CHST8: variants seen among roughly 807,000 people sequenced by gnomAD.
The protein encoded by CHST8 is GALNAC-4-ST1.
In CHST8, 10 loss-of-function variants were observed where a neutral mutation model predicts 15.0. The observed-to-expected ratio is 0.67, with a 90% CI of 0.41 to 1.13. The LOEUF (loss-of-function observed/expected upper bound fraction) is 1.13, where lower values mean the gene tolerates loss of function less well. Among genes scored for constraint, CHST8 ranks in the 50% most tolerant of loss-of-function variants. The pLI is 0.00. For synonymous variants in CHST8, 259 were observed against 256.6 expected, an observed-to-expected ratio of 1.01 and a Z score of -0.09; for missense variants, 634 against 608.2, an observed-to-expected ratio of 1.04 and a Z score of -0.45.
intron 3 of CHST8, among the ~76,000 whole-genome samples, chr19:33,757,460 A>AG (rs1974589343): frequency 2.6e-5 from 1 of 39,110 alleles, no homozygotes; most frequent in Non-Finnish European, 5.3e-5. Flanking sequence ...GAAAGAAAGA[A>AG]AGAAAGAAAG....
At chr19:33,745,865 T>G (rs1349213478) in intron 3 of CHST8, among the ~76,000 whole-genome samples, 1 of 152,196 alleles carries the variant, frequency 6.6e-6, no homozygotes, top group Non-Finnish European at 1.5e-5. Context: ...TGCAGGGCTG[T>G]GATTTCACAA....
At chr19:33,667,034 C>T (rs1369269556) in intron 1 of CHST8, among the ~76,000 whole-genome samples, 1 of 152,136 alleles carries the variant, frequency 6.6e-6, no homozygotes, top group Non-Finnish European at 1.5e-5. Flanking sequence ...AGCCTGGGGG[C>T]CAGCCCCTGT....
intron 1 of CHST8, among the ~76,000 whole-genome samples, chr19:33,626,697 C>T (rs550502985): frequency 1.3e-5 from 2 of 152,092 alleles, no homozygotes; most frequent in African/African-American, 2.4e-5. Flanking sequence ...TGGAAGGGCA[C>T]GAGGCCCTCA....
chr19:33,766,462 G>A (rs530736511), intron 3 of CHST8, among the ~76,000 whole-genome samples: 99 of 152,268 alleles, frequency 6.5e-4, no homozygotes, highest in African/African-American at 2.2e-3. Context: ...ACTGCACTGT[G>A]AGGTCAGGTG....
At chr19:33,681,326 T>C (rs1972885472) in intron 2 of CHST8, among the ~76,000 whole-genome samples, 2 of 152,174 alleles carry the variant, frequency 1.3e-5, no homozygotes, top group South Asian at 2.1e-4. Context: ...AGTTTTCAGT[T>C]TGACACTTGC....
In CHST8 at chr19:33,772,877, C is replaced by T; in HGVS notation, c.1089C>T (p.Arg363=). The change falls in exon 5 of 5, where the codon CGC becomes CGT. Residue 363 remains arginine, a synonymous_variant. Coordinates refer to ENST00000650847, the MANE Select transcript of CHST8 (RefSeq NM_001127895.2). ...DDANFFLSLI[R]APRNLTFPRF... ...CCAACTTCTTCCTGAGCCTCATCCG[C>T]GCGCCGCGGAACCTGACCTTCCCCC... 1 of 1,613,506 alleles carries T rather than the reference C, an allele frequency of 6.2e-7. No homozygotes were observed. The highest frequency in any genetic ancestry group is 8.5e-7 in the Non-Finnish European group (1 of 1,180,022).
intron 1 of CHST8, among the ~76,000 whole-genome samples, chr19:33,623,146 G>C (rs1480326834): frequency 6.6e-6 from 1 of 152,096 alleles, no homozygotes; most frequent in Non-Finnish European, 1.5e-5. Flanking sequence ...GACTCCCGCC[G>C]CCCTAACTTT....
chr19:33,698,700 C>T (rs1973271485), intron 3 of CHST8, among the ~76,000 whole-genome samples: 1 of 152,078 alleles, frequency 6.6e-6, no homozygotes, highest in South Asian at 2.1e-4. Flanking sequence ...GGCAAGAGAT[C>T]ACAGGTTCCA....
chr19:33,692,734 G>GT (rs553801909), intron 3 of CHST8, among the ~76,000 whole-genome samples: 8 of 152,102 alleles, frequency 5.3e-5, no homozygotes, highest in Non-Finnish European at 1.0e-4. Context: ...CTGGCTCTGG[G>GT]GGCTGCAGAA....
Position 33,668,291 on chromosome 19 carries a change from G to T in CHST8, c.-87+448G>T, listed in dbSNP as rs575861229. Among the ~76,000 whole-genome samples the T allele has an allele frequency of 6.6e-5, 10 of 151,656 alleles. No homozygotes were observed. The East Asian group carries it at 7.8e-4, about 12-fold the overall frequency. On this transcript the variant is annotated intron_variant, in intron 2 of 4. Coordinates refer to ENST00000650847, the MANE Select transcript of CHST8 (RefSeq NM_001127895.2). ...GGCTTGTAGAGCTCGGGGACCCTGG[G>T]TTTTCCATGCCATGCACACTGCCTA...
At chr19:33,629,817 T>C (rs538513553) in intron 1 of CHST8, among the ~76,000 whole-genome samples, 7 of 152,368 alleles carry the variant, frequency 4.6e-5, no homozygotes, top group Admixed American at 3.9e-4. Flanking sequence ...CTTGGTCCCC[T>C]AGGCCCCCTC....
At chr19:33,648,754 A>G (rs770114696) in intron 1 of CHST8, among the ~76,000 whole-genome samples, 2 of 152,150 alleles carry the variant, frequency 1.3e-5, no homozygotes, top group Non-Finnish European at 2.9e-5. Context: ...GACTTTGTAC[A>G]CGAATGTGTA....
rs552639639 is a variant in CHST8, at chr19:33,681,781, C to A, written c.-86-7395C>A. Among the ~76,000 whole-genome samples, 13 of 152,124 alleles carry A rather than the reference C, an allele frequency of 8.5e-5. No homozygotes were observed. In the South Asian group the frequency reaches 2.5e-3, roughly 29 times the overall value. On this transcript the variant is annotated intron_variant, in intron 2 of 4. Coordinates refer to ENST00000650847, the MANE Select transcript of CHST8 (RefSeq NM_001127895.2). Reference sequence around the variant, plus strand: ...GTGGAGGGGAAGTCAGGCCAGAGAACCTGGGGTGCCCTGCTCTGAGCCTGA... The same window carrying A: ...GTGGAGGGGAAGTCAGGCCAGAGAAACTGGGGTGCCCTGCTCTGAGCCTGA...
intron 1 of CHST8, among the ~76,000 whole-genome samples, chr19:33,654,424 G>A (rs1314055068): frequency 1.3e-5 from 2 of 151,850 alleles, no homozygotes; most frequent in Non-Finnish European, 2.9e-5. Flanking sequence ...AATATTCTAG[G>A]GAAGCAAAAA....
At chr19:33,757,540 G>A in intron 3 of CHST8, among the ~76,000 whole-genome samples, 1 of 89,644 alleles carries the variant, frequency 1.1e-5, no homozygotes, top group Admixed American at 1.1e-4. Context: ...AAGAAAGAAA[G>A]AAAGAAAGAA....
chr19:33,722,678 G>A (rs1973821887), intron 3 of CHST8, among the ~76,000 whole-genome samples: 1 of 152,254 alleles, frequency 6.6e-6, no homozygotes, highest in Middle Eastern at 3.4e-3. Flanking sequence ...GGATGTGAAT[G>A]GAGATGAGGT....
chr19:33,726,585 G>A lies in CHST8; in HGVS notation c.130+37194G>A, dbSNP rs188729947. Among the ~76,000 whole-genome samples the A allele has an allele frequency of 5.0e-4, 76 of 152,268 alleles. 1 individual carries two copies. The highest frequency in any genetic ancestry group is 7.8e-4 in the Non-Finnish European group (53 of 68,030). On this transcript the variant is annotated intron_variant, in intron 3 of 4. Transcript: ENST00000650847. ...GTGTGAGCATCAGCTGGGAGGTGGGGAGTGAAGGGTGTGGGCACTAGAACT... is the reference window on the plus strand; with the variant it reads ...GTGTGAGCATCAGCTGGGAGGTGGGAAGTGAAGGGTGTGGGCACTAGAACT...
At chr19:33,736,827 T>C (rs1974094606) in intron 3 of CHST8, among the ~76,000 whole-genome samples, 1 of 152,086 alleles carries the variant, frequency 6.6e-6, no homozygotes, top group African/African-American at 2.4e-5. Context: ...GAATGCATGG[T>C]GTGTCACTGC....
At position 33,772,400 on chromosome 19, in the gene CHST8, T is replaced by C. The variant is rs770122076; in HGVS notation, c.612T>C (p.Asn204=). The C allele has an allele frequency of 1.3e-5, 21 of 1,609,928 alleles. No individual in the cohort carries two copies. The highest frequency in any genetic ancestry group is 1.7e-5 in the Admixed American group (1 of 59,978). ...AGGTGCCCAAGGCCGGCTGCTCCAA[T>C]TGGAAGCGGGTGCTCATGGTGCTGG... ...YCEVPKAGCS[N]WKRVLMVLAG... The change falls in exon 5 of 5, where the codon AAT becomes AAC. Residue 204 remains asparagine (N), a synonymous_variant. Transcript: ENST00000650847.
Sources: allele counts gnomAD v4.1 joint callset (sites outside exome capture counted in the v4.1 genomes callset), GRCh38; gene constraint gnomAD v4.1.1; transcripts MANE v1.5; gene names NCBI Gene and HGNC (gene_info 2026-07-23, HGNC 2026-07-21).